LRRC9: variants seen among roughly 807,000 people sequenced by gnomAD.
LRRC9 encodes leucine-rich repeat-containing protein 9.
A neutral mutation model predicts 63.2 loss-of-function variants in LRRC9; 122 were observed. That is an observed-to-expected ratio of 1.93 (90% CI 1.67 to 2.24). The LOEUF (loss-of-function observed/expected upper bound fraction) is 2.24, where lower values mean the gene tolerates loss of function less well. Among genes scored for constraint, LRRC9 ranks in the 30% most tolerant of loss-of-function variants. The probability of loss-of-function intolerance (pLI) is 0.00; values close to 1 mark genes in which losing one functional copy is unlikely to be tolerated. For missense variants in LRRC9, 1,071 were observed against 627.7 expected, an observed-to-expected ratio of 1.71 and a Z score of -7.55; for synonymous variants, 366 against 213.1, an observed-to-expected ratio of 1.72 and a Z score of -6.25.
At chr14:59,996,721 T>C (rs1383605711) in intron 17 of LRRC9, among the ~76,000 whole-genome samples, 1 of 152,200 alleles carries the variant, frequency 6.6e-6, no homozygotes, top group Non-Finnish European at 1.5e-5. Flanking sequence ...TTGTCTACTG[T>C]TGGAAGAAAA....
intron 15 of LRRC9, among the ~76,000 whole-genome samples, chr14:59,979,283 T>G (rs1238992619): frequency 6.6e-6 from 1 of 152,148 alleles, no homozygotes; most frequent in Non-Finnish European, 1.5e-5. Context: ...ATCTTATATA[T>G]GTTGCAAATA....
chr14:60,039,265 A>C (rs996882034), intron 29 of LRRC9, among the ~76,000 whole-genome samples: 3 of 152,144 alleles, frequency 2.0e-5, no homozygotes, highest in Non-Finnish European at 4.4e-5. Flanking sequence ...TATCGGGATG[A>C]TGCTGGCCTC....
intron 23 of LRRC9, among the ~76,000 whole-genome samples, chr14:60,011,069 T>C (rs1247676788): frequency 2.0e-5 from 3 of 152,206 alleles, no homozygotes; most frequent in Non-Finnish European, 4.4e-5. Context: ...CCAATACCAA[T>C]TTACTGCATT....
Position 59,966,843 on chromosome 14 carries a change from C to T in LRRC9, c.1388+78C>T. 1.8e-6 allele frequency: 1 copy of T among 568,728 alleles called. No homozygotes were observed. Among genetic ancestry groups the T allele is most frequent in the Non-Finnish European group, 3.1e-6 (1 of 318,682 alleles). 35.2% of individuals were successfully genotyped at this position (568,728 alleles called of 1,614,324 possible). On this transcript the variant is annotated intron_variant, in intron 11 of 31. Transcript: ENST00000445360. The surrounding 1 kb of genome is among the most constrained non-coding windows in gnomAD (Gnocchi z 4.0). ...GTAAAATTTCTATTTTAAAAGTTTA[C>T]AGCATTAAAAATATACATATACCTT...
At position 60,034,015 on chromosome 14, in the gene LRRC9, CTTTTTTTTTTTT is replaced by C. The variant is rs1157239003; in HGVS notation, c.3990+1964_3990+1975del. ...GGCCTTTTTATGTAATTTTTTCTTT[CTTTTTTTTTTTT>C]TTTTTTTTTTTGAGACAGAGTCTCT... is the stretch of plus-strand genomic sequence containing the variant. On this transcript the variant is annotated intron_variant, in intron 29 of 31. Coordinates refer to ENST00000445360, the Ensembl canonical transcript of LRRC9. Among the ~76,000 whole-genome samples, 65 of 116,016 alleles carry C rather than the reference CTTTTTTTTTTTT, an allele frequency of 5.6e-4. 1 individual carries two copies. The Middle Eastern group carries it at 0.032, about 56-fold the overall frequency. The allele number at this position is 116,016 out of a possible 152,430, so 76.1% of individuals were successfully genotyped here.
At position 59,993,246 on chromosome 14, in the gene LRRC9, C is replaced by T. The variant is rs148739510; in HGVS notation, c.2212-4410C>T. On this transcript the variant is annotated intron_variant, in intron 17 of 31. Coordinates refer to ENST00000445360, the Ensembl canonical transcript of LRRC9. ...AGTGAAGGAGAAATAAAATACCTTACAGACAAGTAAATGCTGAGAGATTCT... is the reference window on the plus strand; with the variant it reads ...AGTGAAGGAGAAATAAAATACCTTATAGACAAGTAAATGCTGAGAGATTCT... Among the ~76,000 whole-genome samples the T allele has an allele frequency of 3.4e-3, 515 of 152,302 alleles. 18 individuals carry two copies. In the East Asian group the frequency reaches 0.058, roughly 17 times the overall value.
chr14:60,049,946 G>C (rs936529256), intron 29 of LRRC9, among the ~76,000 whole-genome samples: 1 of 152,012 alleles, frequency 6.6e-6, no homozygotes, highest in African/African-American at 2.4e-5. Context: ...GGGAGGTTTT[G>C]TTCATGCCTT....
At chr14:59,946,286 A>G (rs866748441) in intron 8 of LRRC9, among the ~76,000 whole-genome samples, 12 of 150,738 alleles carry the variant, frequency 8.0e-5, no homozygotes, top group African/African-American at 2.9e-4. Flanking sequence ...AAAGTAAAAC[A>G]TTAATAAAAT....
At position 59,943,048 on chromosome 14, in the gene LRRC9, G is replaced by A. The variant is rs116942634; in HGVS notation, c.727-1541G>A. Reference sequence around the variant, plus strand: ...TTTTGCTGTTGAGTTGTTTGAGTTCGTTGTATATTCTGGATATAAGACCCT... The same window carrying A: ...TTTTGCTGTTGAGTTGTTTGAGTTCATTGTATATTCTGGATATAAGACCCT... On this transcript the variant is annotated intron_variant, in intron 7 of 31. Coordinates refer to ENST00000445360, the Ensembl canonical transcript of LRRC9. Among the ~76,000 whole-genome samples the A allele has an allele frequency of 4.0e-3, 604 of 151,856 alleles. 21 individuals carry two copies. The East Asian group carries it at 0.059, about 15-fold the overall frequency.
chr14:60,043,024 T>C (rs1209860098), intron 29 of LRRC9, among the ~76,000 whole-genome samples: 2 of 152,252 alleles, frequency 1.3e-5, no homozygotes, highest in Non-Finnish European at 2.9e-5. Context: ...TTTGGTTAGA[T>C]TGATTCCTAG....
At chr14:59,965,664 ACG>A (rs1884760220) in intron 10 of LRRC9, among the ~76,000 whole-genome samples, 1 of 152,010 alleles carries the variant, frequency 6.6e-6, no homozygotes, top group Admixed American at 6.6e-5. Flanking sequence ...TGGGCGGATC[ACG>A]AGGTCAGGAG....
chr14:60,018,443 C>T lies in LRRC9; in HGVS notation c.3390C>T (p.Thr1130=), dbSNP rs1377202622. 4.3e-6 allele frequency: 3 copies of T among 699,956 alleles called. No individual in the cohort carries two copies. The African/African-American group carries it at 5.3e-5, about 12-fold the overall frequency. 43.4% of individuals were successfully genotyped at this position (699,956 alleles called of 1,614,324 possible). A position where few individuals can be genotyped will look rare whatever the true frequency, so the allele number is the denominator to read the frequency against. The change falls in exon 25 of 32, where the codon ACC becomes ACT. Residue 1130 remains threonine, a synonymous_variant. Coordinates refer to ENST00000445360, the Ensembl canonical transcript of LRRC9. ...TGAATCTACAGAACAATCATCTTACCTCATTCAGTGGATTAATCTATCTAC... is the reference window on the plus strand; with the variant it reads ...TGAATCTACAGAACAATCATCTTACTTCATTCAGTGGATTAATCTATCTAC...
chr14:60,019,728 T>C (rs1026706800), intron 26 of LRRC9, among the ~76,000 whole-genome samples: 1 of 151,796 alleles, frequency 6.6e-6, no homozygotes, highest in Non-Finnish European at 1.5e-5. Context: ...TTTGCTTTTA[T>C]TTCTAAATTA....
intron 8 of LRRC9, among the ~76,000 whole-genome samples, chr14:59,952,634 ATTG>A (rs377623782): frequency 2.4e-4 from 37 of 151,518 alleles, no homozygotes; most frequent in African/African-American, 8.0e-4. Flanking sequence ...TGTTGTTGTT[ATTG>A]TTGTTGTTGT....
rs1397510477 is a variant in LRRC9, at chr14:60,051,553, A to T, written c.3991-1512A>T. Reference sequence around the variant, plus strand: ...CCAGGAACTGCCTCTGGTTTCAGGCAGACTCAGCCTATTGCCCTTGGCTGG... The same window carrying T: ...CCAGGAACTGCCTCTGGTTTCAGGCTGACTCAGCCTATTGCCCTTGGCTGG... On this transcript the variant is annotated intron_variant, in intron 29 of 31. Coordinates refer to ENST00000445360, the Ensembl canonical transcript of LRRC9. This position sits in a 1 kb window ranked among gnomAD's most constrained non-coding sequence, Gnocchi z 4.7. Among the ~76,000 whole-genome samples, 1 of 152,194 alleles carries T rather than the reference A, an allele frequency of 6.6e-6. No individual in the cohort carries two copies. The highest frequency in any genetic ancestry group is 6.5e-5 in the Admixed American group (1 of 15,286).
Position 60,037,463 on chromosome 14 carries a change from TG to T in LRRC9, c.3990+5402del, listed in dbSNP as rs1452117652. The stretch of plus-strand genomic sequence containing the variant: ...ACTTTTTAATGATCGCCATTCTAAC[TG>T]GTGTGAGATGGTATCTCATTGTGGT... On this transcript the variant is annotated intron_variant, in intron 29 of 31. Transcript: ENST00000445360. Among the ~76,000 whole-genome samples, 7 of 152,338 alleles carry T rather than the reference TG, an allele frequency of 4.6e-5. No homozygotes were observed. In the East Asian group the frequency reaches 1.3e-3, roughly 29 times the overall value.
At chr14:59,973,525 C>A (rs1163097863) in intron 12 of LRRC9, 1 of 152,094 alleles carries the variant, frequency 6.6e-6, no homozygotes, top group African/African-American at 2.4e-5. Context: ...TGTGAATACA[C>A]AAGTCCATTA....
chr14:60,039,175 A>G (rs1892714527), intron 29 of LRRC9, among the ~76,000 whole-genome samples: 2 of 152,176 alleles, frequency 1.3e-5, no homozygotes, highest in African/African-American at 4.8e-5. Context: ...CCAGTATTTT[A>G]TTGAGGATTT....
At chr14:59,976,350 C>G (rs1886284822) in intron 13 of LRRC9, among the ~76,000 whole-genome samples, 1 of 152,126 alleles carries the variant, frequency 6.6e-6, no homozygotes, top group Non-Finnish European at 1.5e-5. Context: ...TCCCTGGTGC[C>G]AAAAAGGTTG....
Sources: allele counts gnomAD v4.1 joint callset (sites outside exome capture counted in the v4.1 genomes callset), GRCh38; gene constraint gnomAD v4.1.1; non-coding constraint Gnocchi (gnomAD v3.1); transcripts MANE v1.5; gene names NCBI Gene and HGNC (gene_info 2026-07-23, HGNC 2026-07-21).